Variants in RBMS1 observed in about 807,000 individuals in gnomAD.
RBMS1 encodes RNA binding motif single stranded interacting protein 1.
Under a neutral mutation model 62.3 loss-of-function variants are expected in RBMS1, and 17 were observed. That is an observed-to-expected ratio of 0.27 (90% confidence interval 0.19 to 0.41). The LOEUF (loss-of-function observed/expected upper bound fraction) is 0.41, where lower values mean the gene tolerates loss of function less well. Ranked by LOEUF, RBMS1 falls within the 10% of genes least tolerant of loss-of-function variation. The probability of loss-of-function intolerance (pLI) is 1.00; values close to 1 mark genes in which losing one functional copy is unlikely to be tolerated. For missense variants in RBMS1, 334 were observed against 504.5 expected (o/e 0.66, Z 3.24); for synonymous variants, 172 against 170.0 (o/e 1.01, Z -0.09).
chr2:160,458,159 T>C (rs1188055705), intron 1 of RBMS1, among the ~76,000 whole-genome samples: 1 of 152,022 alleles, frequency 6.6e-6, no homozygotes, highest in African/African-American at 2.4e-5. Flanking sequence ...AGATAGAATC[T>C]CACTTTGTTG....
At chr2:160,470,407 G>A (rs1330513939) in intron 1 of RBMS1, among the ~76,000 whole-genome samples, 1 of 151,930 alleles carries the variant, frequency 6.6e-6, no homozygotes, top group African/African-American at 2.4e-5. Flanking sequence ...TTTAACAATA[G>A]TGATTTGCAT....
Position 160,465,782 on chromosome 2 carries a change from A to G in RBMS1, c.75+27507T>C, listed in dbSNP as rs138703492. Among the ~76,000 whole-genome samples, 1,036 of 152,052 alleles carry G rather than the reference A, an allele frequency of 6.8e-3. 14 individuals are homozygous for G. Among genetic ancestry groups the G allele is most frequent in the African/African-American group, 0.024 (991 of 41,504 alleles). On this transcript the variant is annotated intron_variant, in intron 1 of 13. Coordinates refer to ENST00000348849, the MANE Select transcript of RBMS1 (RefSeq NM_016836.4). ...TCTAAGCCTATGCTTGGGTCTGATC[A>G]AGAAACAGGCAACAAAACTCCAGGT... is the stretch of plus-strand genomic sequence containing the variant.
chr2:160,320,867 G>A (rs1690521508), intron 2 of RBMS1, among the ~76,000 whole-genome samples: 2 of 152,016 alleles, frequency 1.3e-5, no homozygotes, highest in African/African-American at 2.4e-5. Flanking sequence ...GGACTCTCTC[G>A]TGTGTACAAG....
chr2:160,466,047 A>C (rs991238723), intron 1 of RBMS1, among the ~76,000 whole-genome samples: 2 of 152,176 alleles, frequency 1.3e-5, no homozygotes, highest in Non-Finnish European at 2.9e-5. Context: ...TATACACACA[A>C]AGTGTTTTAA....
intron 1 of RBMS1, among the ~76,000 whole-genome samples, chr2:160,487,778 C>A (rs1461006189): frequency 2.6e-5 from 4 of 152,142 alleles, no homozygotes; most frequent in African/African-American, 9.7e-5. Flanking sequence ...AAAATGCATC[C>A]ATTTAAGAAT....
chr2:160,323,619 A>C (rs1292901895), intron 2 of RBMS1, among the ~76,000 whole-genome samples: 2 of 147,830 alleles, frequency 1.4e-5, no homozygotes, highest in Admixed American at 6.7e-5. Flanking sequence ...AAAGAAAAAA[A>C]AAAAAAAAAA....
Position 160,273,732 on chromosome 2 carries a change from CAACACT to C in RBMS1, c.*1034_*1039del, listed in dbSNP as rs1399946574. ...CCTCCCCCACCCCCATCCCCAACCCCAACACTACCTACACTAAATCTAGTACATCAA... is the reference window on the plus strand; with the variant it reads ...CCTCCCCCACCCCCATCCCCAACCCCACCTACACTAAATCTAGTACATCAA... On this transcript the variant is annotated 3_prime_UTR_variant, in exon 14 of 14. Transcript: ENST00000348849. 41 of 150,296 alleles carry C rather than the reference CAACACT, an allele frequency of 2.7e-4. No individual in the cohort carries two copies. Among genetic ancestry groups the C allele is most frequent in the African/African-American group, 9.8e-4 (40 of 40,958 alleles). The allele number at this position is 150,296 out of a possible 1,614,324, so 9.3% of individuals were successfully genotyped here. A position where few individuals can be genotyped will look rare whatever the true frequency, so the allele number is the denominator to read the frequency against.
At chr2:160,485,470 C>G (rs916732076) in intron 1 of RBMS1, among the ~76,000 whole-genome samples, 1 of 152,158 alleles carries the variant, frequency 6.6e-6, no homozygotes, top group African/African-American at 2.4e-5. Flanking sequence ...GAGAACTATA[C>G]GTGAATTATA....
chr2:160,411,556 T>G (rs935514819), intron 1 of RBMS1, among the ~76,000 whole-genome samples: 2 of 152,154 alleles, frequency 1.3e-5, no homozygotes, highest in Non-Finnish European at 2.9e-5. Flanking sequence ...AATCTGGACT[T>G]TGCAATCCAA....
At chr2:160,280,757 C>T (rs1275919076) in intron 10 of RBMS1, among the ~76,000 whole-genome samples, 2 of 152,022 alleles carry the variant, frequency 1.3e-5, no homozygotes, top group African/African-American at 4.8e-5. Context: ...CAAACTAGAT[C>T]TTATGTGTCT....
rs1335485766 is a variant in RBMS1, at chr2:160,428,481, G to A, written c.76-61090C>T. Among the ~76,000 whole-genome samples, 9 of 152,022 alleles carry A rather than the reference G, an allele frequency of 5.9e-5. No homozygotes were observed. The East Asian group carries it at 1.4e-3, about 23-fold the overall frequency. Reference sequence around the variant, plus strand: ...TCGGGGAATTATTTTTATAATCCTAGGTTCCACTTTCTAGAGCTTTAAAAG... The same window carrying A: ...TCGGGGAATTATTTTTATAATCCTAAGTTCCACTTTCTAGAGCTTTAAAAG... On this transcript the variant is annotated intron_variant, in intron 1 of 13. Coordinates refer to ENST00000348849, the MANE Select transcript of RBMS1 (RefSeq NM_016836.4).
At chr2:160,482,342 A>G (rs1244560382) in intron 1 of RBMS1, among the ~76,000 whole-genome samples, 1 of 152,252 alleles carries the variant, frequency 6.6e-6, no homozygotes, top group Non-Finnish European at 1.5e-5. Context: ...TGGAAATGTT[A>G]TATCATCACC....
In RBMS1 at chr2:160,303,003, T is replaced by C. The variant is rs548839332; in HGVS notation, c.560+327A>G. On this transcript the variant is annotated intron_variant, in intron 5 of 13. Transcript: ENST00000348849. The stretch of plus-strand genomic sequence containing the variant: ...AAGAAAAAACATACTGATTTATCTA[T>C]TGAATTTAGGAGACTGACTGTTATT... 1.7e-3 allele frequency among the ~76,000 whole-genome samples: 266 copies of C among 152,300 alleles called. 3 individuals carry two copies. Among genetic ancestry groups the C allele is most frequent in the Non-Finnish European group, 5.7e-4 (39 of 68,032 alleles).
At chr2:160,329,507 G>A (rs1292771018) in intron 2 of RBMS1, among the ~76,000 whole-genome samples, 2 of 152,166 alleles carry the variant, frequency 1.3e-5, no homozygotes, top group Non-Finnish European at 2.9e-5. Flanking sequence ...AATCATTGCG[G>A]AGGTAGGATA....
At chr2:160,409,564 A>G (rs1232117584) in intron 1 of RBMS1, among the ~76,000 whole-genome samples, 1 of 152,198 alleles carries the variant, frequency 6.6e-6, no homozygotes, top group Non-Finnish European at 1.5e-5. Flanking sequence ...GAAAACATTC[A>G]TCAGAATGTT....
intron 1 of RBMS1, among the ~76,000 whole-genome samples, chr2:160,438,975 C>T (rs1382095606): frequency 6.8e-6 from 1 of 148,116 alleles, no homozygotes; most frequent in East Asian, 2.1e-4. Context: ...CGGGCAGAGG[C>T]GCCCCTCACC....
chr2:160,447,934 G>A (rs139158822), intron 1 of RBMS1, among the ~76,000 whole-genome samples: 1 of 152,196 alleles, frequency 6.6e-6, no homozygotes, highest in African/African-American at 2.4e-5. Context: ...TGAATCCTTA[G>A]CACTCAGCAC....
At chr2:160,311,683 G>A (rs1365700403) in intron 4 of RBMS1, among the ~76,000 whole-genome samples, 2 of 107,880 alleles carry the variant, frequency 1.9e-5, no homozygotes, top group East Asian at 2.0e-4. Flanking sequence ...TGAGTTTCAG[G>A]CTTGTTACTT....
chr2:160,298,468 G>C (rs895282633), intron 6 of RBMS1, among the ~76,000 whole-genome samples: 12 of 152,294 alleles, frequency 7.9e-5, no homozygotes, highest in African/African-American at 2.2e-4. Flanking sequence ...GAAATTATCA[G>C]AATCCTGAGC....
Sources: allele counts gnomAD v4.1 joint callset (sites outside exome capture counted in the v4.1 genomes callset), GRCh38; gene constraint gnomAD v4.1.1; transcripts MANE v1.5; gene names NCBI Gene and HGNC (gene_info 2026-07-23, HGNC 2026-07-21).